Variants in TJP1 observed in about 807,000 individuals in gnomAD.
The protein encoded by TJP1 is tight junction protein ZO-1.
A neutral mutation model predicts 194.2 loss-of-function variants in TJP1; 43 were observed. That is an observed-to-expected ratio of 0.22 (90% confidence interval 0.17 to 0.29). The LOEUF is 0.29. Ranked by LOEUF, TJP1 falls within the 10% of genes least tolerant of loss-of-function variation. The pLI, the probability that TJP1 is intolerant of heterozygous loss-of-function variation, is 1.00. For synonymous variants in TJP1, 801 were observed against 779.0 expected (o/e 1.03, Z -0.47); for missense variants, 1,971 against 2,185.7 (o/e 0.90, Z 1.96).
chr15:29,774,606 GGAGGGGGT>G (rs1409090181), intron 2 of TJP1, among the ~76,000 whole-genome samples: 5 of 151,820 alleles, frequency 3.3e-5, no homozygotes, highest in African/African-American at 1.2e-4. Flanking sequence ...TACAGGGATT[GGAGGGGGT>G]GATAATTCAA....
At position 29,731,032 on chromosome 15, in the gene TJP1, T is replaced by C. The variant is rs114286926; in HGVS notation, c.2017+1401A>G. Reference sequence around the variant, plus strand: ...TGTGTATTTCTGGTGACTGTACAGTTTGAAATACTTTTATCAAGTTTTATA... The same window carrying C: ...TGTGTATTTCTGGTGACTGTACAGTCTGAAATACTTTTATCAAGTTTTATA... On this transcript the variant is annotated intron_variant, in intron 15 of 27. Coordinates refer to ENST00000614355, the MANE Select transcript of TJP1 (RefSeq NM_001330239.4). 4,352 of 989,184 alleles carry C rather than the reference T, an allele frequency of 4.4e-3. 83 individuals are homozygous for C. The highest frequency in any genetic ancestry group is 0.041 in the African/African-American group (2,582 of 62,804). The allele number at this position is 989,184 out of a possible 1,614,324, so 61.3% of individuals were successfully genotyped here.
chr15:29,771,881 G>A (rs1440615998), intron 4 of TJP1, among the ~76,000 whole-genome samples, 183 bp downstream of exon 4: 1 of 151,404 alleles, frequency 6.6e-6, no homozygotes, highest in African/African-American at 2.4e-5. Context: ...TATCTAAACT[G>A]AGAAAATACA....
intron 2 of TJP1, among the ~76,000 whole-genome samples, chr15:29,876,821 C>T (rs776093817): frequency 6.6e-6 from 1 of 152,196 alleles, no homozygotes; most frequent in Admixed American, 6.5e-5. Flanking sequence ...TCAGGCAGTG[C>T]TGTGAGCTGA....
intron 20 of TJP1, 106 bp from the exon 21 acceptor site, chr15:29,719,244 T>TA (rs2042782472): frequency 3.1e-6 from 4 of 1,294,862 alleles, no homozygotes; most frequent in South Asian, 1.5e-5. Context: ...GTGAAAATGG[T>TA]ATGTTTTACC....
At chr15:29,720,989 C>CT (rs1219566918) in intron 18 of TJP1, among the ~76,000 whole-genome samples, 1 of 152,192 alleles carries the variant, frequency 6.6e-6, no homozygotes, top group African/African-American at 2.4e-5. Flanking sequence ...CGAAGAAACT[C>CT]TGACACTGCT....
At chr15:29,719,679 T>C in intron 20 of TJP1, 98 bp downstream of exon 20, 1 of 1,489,800 alleles carries the variant, frequency 6.7e-7, no homozygotes, top group Non-Finnish European at 9.0e-7. Flanking sequence ...AAGCCTGCAG[T>C]AAAAAAGCAA....
chr15:29,735,343 C>T (rs1418698440), intron 11 of TJP1, among the ~76,000 whole-genome samples: 2 of 152,070 alleles, frequency 1.3e-5, no homozygotes, highest in Non-Finnish European at 2.9e-5. Flanking sequence ...AATCCCAGCA[C>T]TCTGGGAGGC....
intron 1 of TJP1, chr15:29,967,964 C>T: frequency 1.4e-6 from 1 of 702,128 alleles, no homozygotes; most frequent in Non-Finnish European, 1.7e-6. Flanking sequence ...CAGTGGCATA[C>T]CTAGGTGGCT....
rs541924901 is a variant in TJP1 at position 29,857,558 on chromosome 15, A to G, written c.307-56856T>C. On this transcript the variant is annotated intron_variant, in intron 2 of 28. Transcript: ENST00000356107. The stretch of plus-strand genomic sequence containing the variant: ...GCAGGGAAGGCCTTTTTACAGACAA[A>G]TAAGAATAAAATATGTATGTGAAGA... Among the ~76,000 whole-genome samples, 27 of 152,210 alleles carry G rather than the reference A, an allele frequency of 1.8e-4. No homozygotes were observed. The South Asian group carries it at 5.6e-3, about 32-fold the overall frequency.
intron 18 of TJP1, among the ~76,000 whole-genome samples, chr15:29,725,088 T>A (rs1001430501): frequency 6.6e-6 from 1 of 152,232 alleles, no homozygotes; most frequent in African/African-American, 2.4e-5. Context: ...AAGGTTAGTA[T>A]GAAGACTACA....
chr15:29,882,965 G>A (rs2052990680), intron 2 of TJP1, among the ~76,000 whole-genome samples: 1 of 152,052 alleles, frequency 6.6e-6, no homozygotes, highest in Non-Finnish European at 1.5e-5. Context: ...CTACATGAAA[G>A]GAATACAAAA....
intron 20 of TJP1, 51 bp from the exon 21 acceptor site, chr15:29,719,189 CTATTT>C (rs2042779545): frequency 1.3e-6 from 2 of 1,491,508 alleles, no homozygotes; most frequent in Non-Finnish European, 9.0e-7. Flanking sequence ...TAATTCTAGT[CTATTT>C]TATTAGACTG....
intron 2 of TJP1, among the ~76,000 whole-genome samples, chr15:29,935,539 G>A (rs1596286780): frequency 6.6e-6 from 1 of 152,224 alleles, no homozygotes; most frequent in African/African-American, 2.4e-5. Context: ...CATTACAAAG[G>A]ACTTCAAAAT....
At chr15:29,747,123 A>G (rs2044842780) in intron 8 of TJP1, among the ~76,000 whole-genome samples, 1 of 152,068 alleles carries the variant, frequency 6.6e-6, no homozygotes, top group East Asian at 1.9e-4. Context: ...CCTCTCTACT[A>G]AAAAAACAAA....
chr15:29,722,667 A>T (rs1391474841), intron 18 of TJP1, among the ~76,000 whole-genome samples: 17 of 152,164 alleles, frequency 1.1e-4, no homozygotes, highest in Admixed American at 1.1e-3. Context: ...CTGTGAGAAG[A>T]GGCCCATTGT....
chr15:29,742,964 G>T, intron 8 of TJP1, 183 bp from the exon 9 acceptor site: 1 of 435,388 alleles, frequency 2.3e-6, no homozygotes, highest in Non-Finnish European at 3.8e-6. Flanking sequence ...AAACCAAATA[G>T]ATTCATGTAA....
At chr15:29,872,510 C>T (rs2052561503) in intron 2 of TJP1, among the ~76,000 whole-genome samples, 2 of 152,104 alleles carry the variant, frequency 1.3e-5, no homozygotes, top group Admixed American at 6.5e-5. Context: ...AAGCCGAGGG[C>T]CTTAAGGCAC....
intron 2 of TJP1, among the ~76,000 whole-genome samples, chr15:29,841,914 C>G (rs569866915): frequency 6.6e-6 from 1 of 152,090 alleles, no homozygotes; most frequent in Non-Finnish European, 1.5e-5. Context: ...ATAACTGGGG[C>G]TTTTTAAAGC....
At chr15:29,753,303 G>A (rs1288995903) in intron 8 of TJP1, among the ~76,000 whole-genome samples, 9 of 151,586 alleles carry the variant, frequency 5.9e-5, no homozygotes, top group Non-Finnish European at 1.3e-4. Context: ...CTAACACAGT[G>A]AAACCCCGTC....
Sources: allele counts gnomAD v4.1 joint callset (sites outside exome capture counted in the v4.1 genomes callset), GRCh38; gene constraint gnomAD v4.1.1; transcripts MANE v1.5; gene names NCBI Gene and HGNC (gene_info 2026-07-23, HGNC 2026-07-21).